The following HS3ST4 variants were observed in gnomAD, a reference collection of about 807,000 sequenced individuals.
The protein encoded by HS3ST4 is heparan sulfate glucosamine 3-O-sulfotransferase 4.
Under a neutral mutation model 29.2 loss-of-function variants are expected in HS3ST4, and 17 were observed. The observed-to-expected ratio is 0.58, with a 90% CI of 0.40 to 0.87. The LOEUF (loss-of-function observed/expected upper bound fraction) is 0.87. Ranked by LOEUF, HS3ST4 falls within the 40% of genes least tolerant of loss-of-function variation. The pLI, the probability that HS3ST4 is intolerant of heterozygous loss-of-function variation, is 0.00. For synonymous variants in HS3ST4, 314 were observed against 285.7 expected (o/e 1.10, Z -1.00); for missense variants, 627 against 634.5 (o/e 0.99, Z 0.13).
At chr16:25,994,062 A>C (rs1969138644) in intron 1 of HS3ST4, among the ~76,000 whole-genome samples, 1 of 150,972 alleles carries the variant, frequency 6.6e-6, no homozygotes, top group African/African-American at 2.4e-5. Flanking sequence ...AAGAACACTT[A>C]TCCCATCATG....
At chr16:25,864,660 C>T (rs929682679) in intron 1 of HS3ST4, among the ~76,000 whole-genome samples, 4 of 152,030 alleles carry the variant, frequency 2.6e-5, no homozygotes, top group Admixed American at 2.0e-4. Flanking sequence ...TCTTTCTGTG[C>T]CTGACATAGT....
intron 1 of HS3ST4, among the ~76,000 whole-genome samples, chr16:25,780,986 T>C (rs895395276): frequency 6.6e-6 from 1 of 152,182 alleles, no homozygotes; most frequent in Non-Finnish European, 1.5e-5. Flanking sequence ...CCCCAGGAAG[T>C]TGCAAAACAC....
intron 1 of HS3ST4, among the ~76,000 whole-genome samples, chr16:25,900,954 G>A (rs1450477681): frequency 6.6e-6 from 1 of 152,118 alleles, no homozygotes; most frequent in Non-Finnish European, 1.5e-5. Flanking sequence ...TTGAGAAGCC[G>A]CCATGATACT....
At position 25,907,227 on chromosome 16, in the gene HS3ST4, C is replaced by T. The variant is rs538163418; in HGVS notation, c.734+214076C>T. Among the ~76,000 whole-genome samples the T allele has an allele frequency of 1.8e-4, 27 of 151,956 alleles. 1 individual carries two copies. Among genetic ancestry groups the T allele is most frequent in the Non-Finnish European group, 3.4e-4 (23 of 67,992 alleles). On this transcript the variant is annotated intron_variant, in intron 1 of 1. Coordinates refer to ENST00000331351, the MANE Select transcript of HS3ST4 (RefSeq NM_006040.3). ...ATTAAAATTAAAATAAAAAAAGATA[C>T]TTTGGCAGGTGAGAGACATGGGCAT...
chr16:25,880,778 G>T (rs908867535), intron 1 of HS3ST4, among the ~76,000 whole-genome samples: 1 of 152,144 alleles, frequency 6.6e-6, no homozygotes, highest in African/African-American at 2.4e-5. Flanking sequence ...CAGGCATGTG[G>T]AATGAATAGA....
chr16:25,832,470 C>T (rs527752718), intron 1 of HS3ST4, among the ~76,000 whole-genome samples: 1 of 152,242 alleles, frequency 6.6e-6, no homozygotes, highest in African/African-American at 2.4e-5. Context: ...CTTAATTTTT[C>T]CCTGTAGTTT....
At chr16:26,026,142 C>T (rs1969470069) in intron 1 of HS3ST4, among the ~76,000 whole-genome samples, 1 of 152,036 alleles carries the variant, frequency 6.6e-6, no homozygotes, top group African/African-American at 2.4e-5. Flanking sequence ...CTCTTGACCT[C>T]GTGATCTGCC....
intron 1 of HS3ST4, among the ~76,000 whole-genome samples, chr16:25,998,509 T>C (rs1458604428): frequency 6.6e-6 from 1 of 152,200 alleles, no homozygotes; most frequent in Non-Finnish European, 1.5e-5. Context: ...TATGAAACTT[T>C]AGTGCTATAT....
intron 1 of HS3ST4, among the ~76,000 whole-genome samples, chr16:25,861,879 C>T (rs1347946798): frequency 6.6e-6 from 1 of 152,178 alleles, no homozygotes; most frequent in Non-Finnish European, 1.5e-5. Flanking sequence ...GCTCATTTCA[C>T]TCAACGTTGT....
chr16:25,746,812 A>C (rs542734987), intron 1 of HS3ST4, among the ~76,000 whole-genome samples: 2 of 152,064 alleles, frequency 1.3e-5, no homozygotes, highest in Non-Finnish European at 2.9e-5. Context: ...TGGCCTCCCA[A>C]AGTGCTGGAA....
intron 1 of HS3ST4, among the ~76,000 whole-genome samples, chr16:25,868,416 C>T (rs185384809): frequency 3.3e-5 from 5 of 152,270 alleles, no homozygotes; most frequent in Non-Finnish European, 5.9e-5. Context: ...TAGGAGTCCC[C>T]GGTCCTGACA....
At chr16:26,055,916 G>C (rs145011939) in intron 1 of HS3ST4, among the ~76,000 whole-genome samples, 126 of 152,194 alleles carry the variant, frequency 8.3e-4, no homozygotes, top group African/African-American at 3.0e-3. Context: ...CTGCTTGTCT[G>C]TTTACAGGGT....
chr16:25,972,583 A>G (rs1269113886), intron 1 of HS3ST4, among the ~76,000 whole-genome samples: 1 of 152,186 alleles, frequency 6.6e-6, no homozygotes, highest in African/African-American at 2.4e-5. Context: ...AGCTCCCAAC[A>G]TGTCAGCTTG....
At chr16:26,060,476 C>G (rs765826888) in intron 1 of HS3ST4, among the ~76,000 whole-genome samples, 1 of 152,148 alleles carries the variant, frequency 6.6e-6, no homozygotes, top group Non-Finnish European at 1.5e-5. Flanking sequence ...TCCTGCTCTC[C>G]AACAGCTCAA....
chr16:26,014,963 T>C (rs1344884396), intron 1 of HS3ST4, among the ~76,000 whole-genome samples: 1 of 152,234 alleles, frequency 6.6e-6, no homozygotes, highest in Non-Finnish European at 1.5e-5. Context: ...CTAGAGCTAA[T>C]TGAATACAGA....
intron 1 of HS3ST4, among the ~76,000 whole-genome samples, chr16:25,842,530 A>G (rs905705041): frequency 6.6e-6 from 1 of 152,214 alleles, no homozygotes; most frequent in African/African-American, 2.4e-5. Context: ...TCTTCCCAGT[A>G]TCTTGGACCT....
chr16:26,112,094 T>C (rs1225843635), intron 1 of HS3ST4, among the ~76,000 whole-genome samples: 10 of 152,060 alleles, frequency 6.6e-5, no homozygotes, highest in Admixed American at 1.3e-4. Context: ...TGGTGCTGTG[T>C]CTTGGGAGGC....
intron 1 of HS3ST4, among the ~76,000 whole-genome samples, chr16:26,012,044 C>T (rs892032040): frequency 1.3e-5 from 2 of 152,174 alleles, no homozygotes; most frequent in African/African-American, 4.8e-5. Context: ...TCGATTAATG[C>T]TCCTTTAATG....
chr16:25,859,694 G>C (rs979742873), intron 1 of HS3ST4, among the ~76,000 whole-genome samples: 2 of 152,072 alleles, frequency 1.3e-5, no homozygotes, highest in Non-Finnish European at 2.9e-5. Context: ...CACAAAACAG[G>C]GTCAAAGACC....
Sources: gnomAD v4.1 joint callset for allele counts (sites outside exome capture counted in the v4.1 genomes callset) on GRCh38, gnomAD v4.1.1 for gene constraint, MANE v1.5 for transcripts, NCBI Gene and HGNC (gene_info 2026-07-23, HGNC 2026-07-21) for gene names.